TMEM163: variants seen among roughly 807,000 people sequenced by gnomAD.
TMEM163 encodes transmembrane protein 163.
TMEM163 carries 17 observed loss-of-function variants against 29.3 expected under a neutral mutation model. The observed-to-expected ratio is 0.58, with a 90% CI of 0.40 to 0.87. TMEM163 has a LOEUF of 0.87. Among genes scored for constraint, TMEM163 ranks in the 40% least tolerant of loss-of-function variants. The pLI, the probability that TMEM163 is intolerant of heterozygous loss-of-function variation, is 0.00. For missense variants in TMEM163, 303 were observed against 381.5 expected (o/e 0.79, Z 1.71); for synonymous variants, 157 against 160.6 (o/e 0.98, Z 0.17).
intron 4 of TMEM163, among the ~76,000 whole-genome samples, chr2:134,510,303 G>A (rs1679918705): frequency 6.6e-6 from 1 of 152,180 alleles, no homozygotes; most frequent in Admixed American, 6.5e-5. Context: ...TACACAGATA[G>A]GGCAGGATCA....
chr2:134,684,848 G>A lies in TMEM163; in HGVS notation c.322+28352C>T, dbSNP rs1207660611. Among the ~76,000 whole-genome samples, 14 of 151,572 alleles carry A rather than the reference G, an allele frequency of 9.2e-5. No individual in the cohort carries two copies. In the East Asian group the frequency reaches 9.8e-4, roughly 11 times the overall value. ...TGAGGCACGAGAATTGCTTGAACCC[G>A]GGAGGCGGAGGTTGCAGTGAGCCAA... is the stretch of plus-strand genomic sequence containing the variant. On this transcript the variant is annotated intron_variant, in intron 2 of 7. Coordinates refer to ENST00000281924, the MANE Select transcript of TMEM163 (RefSeq NM_030923.5).
At chr2:134,700,696 C>A (rs897403957) in intron 2 of TMEM163, among the ~76,000 whole-genome samples, 5 of 152,044 alleles carry the variant, frequency 3.3e-5, no homozygotes, top group African/African-American at 1.2e-4. Flanking sequence ...GTCATGAGTT[C>A]GAGACTAGCC....
intron 2 of TMEM163, among the ~76,000 whole-genome samples, chr2:134,641,843 C>A (rs2104840378): frequency 6.6e-6 from 1 of 152,150 alleles, no homozygotes; most frequent in African/African-American, 2.4e-5. Flanking sequence ...AGACTACTCA[C>A]CTCAAATATA....
chr2:134,656,906 G>A (rs955419163), intron 2 of TMEM163, among the ~76,000 whole-genome samples: 2 of 152,118 alleles, frequency 1.3e-5, no homozygotes, highest in Admixed American at 6.6e-5. Flanking sequence ...TTATTGATTT[G>A]CATGTTTTGA....
intron 4 of TMEM163, among the ~76,000 whole-genome samples, chr2:134,504,649 A>G (rs1387085671): frequency 6.6e-6 from 1 of 152,224 alleles, no homozygotes; most frequent in Non-Finnish European, 1.5e-5. Context: ...TTGATCACCA[A>G]CGTCAACAGG....
chr2:134,585,113 C>T (rs1283761300), intron 2 of TMEM163, among the ~76,000 whole-genome samples: 1 of 152,232 alleles, frequency 6.6e-6, no homozygotes, highest in African/African-American at 2.4e-5. Flanking sequence ...TAAATCTAAC[C>T]ATCACATTTC....
chr2:134,700,941 A>ATAAATACATAAATAC (rs1553495683), intron 2 of TMEM163, among the ~76,000 whole-genome samples: 2,511 of 146,400 alleles, frequency 0.017, 74 homozygotes, highest in African/African-American at 0.059. Flanking sequence ...TAAATAAATA[A>ATAAATACATAAATAC]ATAAATAAAG....
intron 4 of TMEM163, among the ~76,000 whole-genome samples, chr2:134,543,858 C>T (rs1680726248): frequency 6.6e-6 from 1 of 152,246 alleles, no homozygotes; most frequent in Admixed American, 6.5e-5. Flanking sequence ...AGGACATCCA[C>T]TGTGGGGCCC....
chr2:134,575,469 G>A (rs892343324), intron 2 of TMEM163, among the ~76,000 whole-genome samples: 15 of 152,166 alleles, frequency 9.9e-5, no homozygotes, highest in Admixed American at 5.9e-4. Flanking sequence ...TATAGAAGTG[G>A]CTGAAAACAA....
intron 5 of TMEM163, chr2:134,469,793 GC>G (rs1686754053): frequency 6.6e-6 from 1 of 152,452 alleles, no homozygotes; most frequent in Admixed American, 6.5e-5. Context: ...TCTGCAGGAT[GC>G]CCAATGTCAT....
chr2:134,457,067 T>G (rs1308768507), intron 7 of TMEM163, among the ~76,000 whole-genome samples: 1 of 152,208 alleles, frequency 6.6e-6, no homozygotes, highest in East Asian at 1.9e-4. Context: ...ACGTGGCCTT[T>G]TGTGACTTCC....
At chr2:134,531,994 T>G (rs1440649212) in intron 4 of TMEM163, among the ~76,000 whole-genome samples, 1 of 152,170 alleles carries the variant, frequency 6.6e-6, no homozygotes, top group Non-Finnish European at 1.5e-5. Context: ...GGACACAATT[T>G]TGAAGATTCT....
At chr2:134,495,646 G>C (rs894715920) in intron 5 of TMEM163, among the ~76,000 whole-genome samples, 7 of 152,176 alleles carry the variant, frequency 4.6e-5, no homozygotes, top group African/African-American at 1.7e-4. Context: ...CATTGCTTTG[G>C]CCTGAGCTCC....
At chr2:134,550,060 A>C (rs1193498825) in intron 4 of TMEM163, among the ~76,000 whole-genome samples, 1 of 152,200 alleles carries the variant, frequency 6.6e-6, no homozygotes, top group African/African-American at 2.4e-5. Context: ...GTTGGAAAAG[A>C]CATATGTTTT....
chr2:134,474,213 T>C (rs1449958884), intron 5 of TMEM163, among the ~76,000 whole-genome samples: 1 of 152,130 alleles, frequency 6.6e-6, no homozygotes, highest in Admixed American at 6.5e-5. Context: ...CATTCAAATA[T>C]CAATCAAAGC....
At chr2:134,543,722 T>C (rs754747945) in intron 4 of TMEM163, among the ~76,000 whole-genome samples, 42 of 152,158 alleles carry the variant, frequency 2.8e-4, no homozygotes, top group Non-Finnish European at 4.9e-4. Flanking sequence ...TGTTGACTGG[T>C]GGTTTTCAGG....
intron 5 of TMEM163, chr2:134,469,025 C>T (rs1558913352): frequency 6.6e-6 from 1 of 152,260 alleles, no homozygotes; most frequent in Non-Finnish European, 1.5e-5. Flanking sequence ...ATGATCCACA[C>T]ACAAACGTCC....
intron 4 of TMEM163, among the ~76,000 whole-genome samples, chr2:134,510,435 A>G (rs523905): frequency 0.5 from 75,429 of 151,840 alleles, 21,416 homozygotes; most frequent in East Asian, 0.88. Flanking sequence ...CCTCCTGACT[A>G]CAGCTGGGAT....
chr2:134,502,635 A>C (rs1485965558), intron 5 of TMEM163, among the ~76,000 whole-genome samples: 2 of 152,310 alleles, frequency 1.3e-5, no homozygotes, highest in South Asian at 2.1e-4. Context: ...TACACACACA[A>C]AAAGTCTTGC....
Sources: allele counts gnomAD v4.1 joint callset (sites outside exome capture counted in the v4.1 genomes callset), GRCh38; gene constraint gnomAD v4.1.1; transcripts MANE v1.5; gene names NCBI Gene and HGNC (gene_info 2026-07-23, HGNC 2026-07-21).